The following F13A1 variants were observed in gnomAD, a reference collection of about 807,000 sequenced individuals.
F13A1 encodes the protein FSF, A subunit.
In F13A1, 47 loss-of-function variants were observed where a neutral mutation model predicts 80.1. The ratio of observed to expected loss-of-function variants is 0.59; its 90% CI spans 0.46 to 0.75. F13A1 has a LOEUF of 0.75. Among genes scored for constraint, F13A1 ranks in the 30% least tolerant of loss-of-function variants. The pLI is 0.00. For synonymous variants in F13A1, 349 were observed against 344.9 expected (o/e 1.01, Z -0.13); for missense variants, 817 against 930.4 (o/e 0.88, Z 1.59).
At position 6,250,700 on chromosome 6, in the gene F13A1, G is replaced by A; in HGVS notation, c.690+111C>T. The A allele has an allele frequency of 1.3e-6, 1 of 774,748 alleles. No individual in the cohort carries two copies. Among genetic ancestry groups the A allele is most frequent in the South Asian group, 1.4e-5 (1 of 70,426 alleles). 48.0% of individuals were successfully genotyped at this position (774,748 alleles called of 1,614,324 possible). A position where few individuals can be genotyped will look rare whatever the true frequency, so the allele number is the denominator to read the frequency against. On this transcript the variant is annotated intron_variant, in intron 5 of 14. Coordinates refer to ENST00000264870, the MANE Select transcript of F13A1 (RefSeq NM_000129.4). The surrounding 1 kb of genome is among the most constrained non-coding windows in gnomAD (Gnocchi z 4.2). ...GCCTTGGAGTCTCAGATCCTAAAAAGCAGGAAATTGTGCTTGTCTAATATC... is the reference window on the plus strand; with the variant it reads ...GCCTTGGAGTCTCAGATCCTAAAAAACAGGAAATTGTGCTTGTCTAATATC...
At chr6:6,296,124 T>C (rs968116868) in intron 3 of F13A1, among the ~76,000 whole-genome samples, 8 of 151,292 alleles carry the variant, frequency 5.3e-5, no homozygotes, top group Non-Finnish European at 7.4e-5. Context: ...TTGGTACCAG[T>C]ACTATGCTGT....
At chr6:6,217,664 A>C (rs549494265) in intron 8 of F13A1, among the ~76,000 whole-genome samples, 1 of 152,134 alleles carries the variant, frequency 6.6e-6, no homozygotes, top group Non-Finnish European at 1.5e-5. Flanking sequence ...TGTACCCTAA[A>C]ACTTAAAGTA....
intron 2 of F13A1, among the ~76,000 whole-genome samples, chr6:6,309,027 C>A (rs766631189): frequency 6.6e-6 from 1 of 152,140 alleles, no homozygotes; most frequent in Non-Finnish European, 1.5e-5. Context: ...TAAGACTTTG[C>A]ATGGGTTAAA....
rs75163414 is a variant in F13A1 at position 6,243,357 on chromosome 6, TCAC to T, written c.798+4952_798+4954del. Among the ~76,000 whole-genome samples the T allele has an allele frequency of 4.1e-4, 63 of 151,866 alleles. No individual in the cohort carries two copies. In the East Asian group the frequency reaches 7.8e-3, roughly 19 times the overall value. Reference sequence around the variant, plus strand: ...ACCACCACCATCATCACTAACTCTATCACCACCACCACCAAACACCACCACCAT... The same window carrying T: ...ACCACCACCATCATCACTAACTCTATCACCACCACCAAACACCACCACCAT... On this transcript the variant is annotated intron_variant, in intron 6 of 14. Coordinates refer to ENST00000264870, the MANE Select transcript of F13A1 (RefSeq NM_000129.4). This position sits in a 1 kb window ranked among gnomAD's most constrained non-coding sequence, Gnocchi z 4.2.
At chr6:6,212,035 C>T (rs567239176) in intron 8 of F13A1, among the ~76,000 whole-genome samples, 122 of 152,334 alleles carry the variant, frequency 8.0e-4, no homozygotes, top group East Asian at 2.9e-3. Flanking sequence ...CCTATGCCCA[C>T]GGAGTCTCGC....
At chr6:6,238,548 T>C (rs966848072) in intron 6 of F13A1, among the ~76,000 whole-genome samples, 1 of 152,050 alleles carries the variant, frequency 6.6e-6, no homozygotes, top group African/African-American at 2.4e-5. Context: ...AAAACTTTTG[T>C]TACTTAAAAT....
At chr6:6,161,524 A>ATG (rs143895728) in intron 13 of F13A1, among the ~76,000 whole-genome samples, 19,902 of 133,324 alleles carry the variant, frequency 0.15, 1,656 homozygotes, top group African/African-American at 0.23. Context: ...CAGAGAGAGG[A>ATG]TGTGTGTGTG....
chr6:6,307,135 G>A (rs577641139), intron 2 of F13A1, among the ~76,000 whole-genome samples: 1 of 152,314 alleles, frequency 6.6e-6, no homozygotes, highest in East Asian at 1.9e-4. Context: ...ACGGTGCAGT[G>A]GGTCTGGCAC....
intron 3 of F13A1, among the ~76,000 whole-genome samples, chr6:6,270,575 T>G (rs908512482): frequency 6.6e-6 from 1 of 152,078 alleles, no homozygotes; most frequent in Non-Finnish European, 1.5e-5. Context: ...AAAACCTCTG[T>G]GAGGAAATTT....
intron 12 of F13A1, among the ~76,000 whole-genome samples, chr6:6,173,723 GTA>G (rs1262049429): frequency 6.6e-6 from 1 of 152,210 alleles, no homozygotes; most frequent in South Asian, 2.1e-4. Flanking sequence ...GTCAGCGCGT[GTA>G]TCTTTTTGAA....
Position 6,145,745 on chromosome 6 carries a change from C to T in F13A1, c.2073G>A (p.Gln691=), listed in dbSNP as rs1002027052. ...CCCAGGGCCGGCACACTTCTTCCCA[C>T]TGCACGGTGGAGTTGGGCCGGATTT... ...FREIRPNSTV[Q]WEEVCRPWVS... Residue 691 remains glutamine, a synonymous_variant, in exon 15 of 15, where the codon CAG becomes CAA. Transcript: ENST00000264870. 7.4e-6 allele frequency: 12 copies of T among 1,613,998 alleles called. No homozygotes were observed. The highest frequency in any genetic ancestry group is 1.0e-5 in the Non-Finnish European group (12 of 1,180,006).
chr6:6,248,198 AATGAAAGTTT>A, intron 6 of F13A1, 104 bp downstream of exon 6: 1 of 904,220 alleles, frequency 1.1e-6, no homozygotes, highest in Non-Finnish European at 1.8e-6. Context: ...GAATCTTACA[AATGAAAGTTT>A]ATTAAGTGTA....
chr6:6,213,180 A>G lies in F13A1; in HGVS notation c.1112+8853T>C, dbSNP rs377368469. 7.5e-3 allele frequency among the ~76,000 whole-genome samples: 1,135 copies of G among 151,844 alleles called. 11 individuals are homozygous for G. Among genetic ancestry groups the G allele is most frequent in the African/African-American group, 0.026 (1,061 of 41,244 alleles). On this transcript the variant is annotated intron_variant, in intron 8 of 14. Transcript: ENST00000264870. ...TTCAGATTCAGGAAATACAGAGAACACCACAAAGATACTCCTCGAGACGAG... is the reference window on the plus strand; with the variant it reads ...TTCAGATTCAGGAAATACAGAGAACGCCACAAAGATACTCCTCGAGACGAG...
At position 6,145,521 on chromosome 6, in the gene F13A1, A is replaced by C; in HGVS notation, c.*98T>G. 1 of 1,523,144 alleles carries C rather than the reference A, an allele frequency of 6.6e-7. No individual in the cohort carries two copies. Among genetic ancestry groups the C allele is most frequent in the Non-Finnish European group, 9.1e-7 (1 of 1,099,338 alleles). 94.4% of individuals were successfully genotyped at this position (1,523,144 alleles called of 1,614,324 possible). On this transcript the variant is annotated 3_prime_UTR_variant, in exon 15 of 15. Coordinates refer to ENST00000264870, the MANE Select transcript of F13A1 (RefSeq NM_000129.4). The stretch of plus-strand genomic sequence containing the variant: ...CCTCTGCAGTCCTGTCTGGGTCTTC[A>C]CACCTAAGTCAAAGCAAGAGCTATT...
At chr6:6,301,252 A>T (rs1046194183) in intron 3 of F13A1, among the ~76,000 whole-genome samples, 69 of 152,348 alleles carry the variant, frequency 4.5e-4, no homozygotes, top group African/African-American at 1.4e-3. Context: ...CTCTCATGTA[A>T]CTTCCTGAAT....
intron 3 of F13A1, 68 bp downstream of exon 3, chr6:6,305,283 G>A: frequency 2.6e-6 from 4 of 1,544,622 alleles, no homozygotes; most frequent in Non-Finnish European, 3.6e-6. Context: ...ACACAACTGT[G>A]CCTGTACCCA....
intron 4 of F13A1, among the ~76,000 whole-genome samples, chr6:6,258,584 C>T (rs1464846029): frequency 1.3e-5 from 2 of 152,154 alleles, no homozygotes; most frequent in Non-Finnish European, 2.9e-5. Flanking sequence ...ATCCTGGGGT[C>T]ACCTACATGC....
At chr6:6,161,662 G>T (rs565959158) in intron 13 of F13A1, among the ~76,000 whole-genome samples, 32 of 151,968 alleles carry the variant, frequency 2.1e-4, no homozygotes, top group Non-Finnish European at 4.3e-4. Context: ...TATTTTGATA[G>T]CATGGGGAAA....
intron 10 of F13A1, among the ~76,000 whole-genome samples, chr6:6,185,065 G>A (rs1032223668): frequency 4.6e-5 from 7 of 152,124 alleles, no homozygotes; most frequent in Admixed American, 4.6e-4. Context: ...GATAAGTTCA[G>A]AGTGTATGGC....
Sources: gnomAD v4.1 joint callset for allele counts (sites outside exome capture counted in the v4.1 genomes callset) on GRCh38, gnomAD v4.1.1 for gene constraint, Gnocchi (gnomAD v3.1) non-coding constraint, MANE v1.5 for transcripts, NCBI Gene and HGNC (gene_info 2026-07-23, HGNC 2026-07-21) for gene names.